The following ABCC11 variants were observed in gnomAD, a reference collection of about 807,000 sequenced individuals.
ABCC11 encodes ATP binding cassette subfamily C member 11, also known as ATP-binding cassette sub-family C member 11.
In ABCC11, 135 loss-of-function variants were observed where a neutral mutation model predicts 149.3. The observed-to-expected ratio is 0.90, with a 90% CI of 0.79 to 1.04. The LOEUF (loss-of-function observed/expected upper bound fraction) is 1.04, where lower values mean the gene tolerates loss of function less well. ABCC11 is among the 50% of genes least tolerant of loss of function. The pLI is 0.00. For missense variants in ABCC11, 1,680 were observed against 1,722.1 expected, an observed-to-expected ratio of 0.98 and a Z score of 0.43; for synonymous variants, 665 against 671.4, an observed-to-expected ratio of 0.99 and a Z score of 0.15.
chr16:48,178,842 T>C (rs187130480), intron 23 of ABCC11, among the ~76,000 whole-genome samples, 156 bp from the exon 24 acceptor site: 93 of 152,204 alleles, frequency 6.1e-4, no homozygotes, highest in African/African-American at 2.1e-3. Context: ...CCCTGGTGCC[T>C]CCTCAGCCCA....
intron 26 of ABCC11, among the ~76,000 whole-genome samples, chr16:48,173,203 G>C (rs1402082129): frequency 1.3e-5 from 2 of 152,158 alleles, no homozygotes; most frequent in Non-Finnish European, 2.9e-5. Flanking sequence ...GACATTCAGA[G>C]AGATGCTTAA....
chr16:48,208,913 C>G (rs1968674183), intron 11 of ABCC11, among the ~76,000 whole-genome samples: 1 of 152,160 alleles, frequency 6.6e-6, no homozygotes, highest in Non-Finnish European at 1.5e-5. Context: ...CATTCATTCA[C>G]CCATCAAATA....
chr16:48,230,691 A>C, intron 2 of ABCC11, 118 bp from the exon 3 acceptor site: 2 of 1,182,894 alleles, frequency 1.7e-6, no homozygotes, highest in Non-Finnish European at 2.3e-6. Flanking sequence ...TTCCTAAAGA[A>C]AGGCTTCCAT....
rs571992001 is a variant in ABCC11 at position 48,244,737 on chromosome 16, C to T, written c.-19+2577G>A. On this transcript the variant is annotated intron_variant, in intron 1 of 29. Coordinates refer to ENST00000356608, the MANE Select transcript of ABCC11 (RefSeq NM_001370497.1). ...TCAGTTCGGGGCGGCCTTCGCGGCT[C>T]GGTTCCGCCTCTCTGGTGCTATCAC... is the stretch of plus-strand genomic sequence containing the variant. The T allele has an allele frequency of 3.7e-4, 244 of 659,286 alleles. 3 individuals are homozygous for T. In the South Asian group the frequency reaches 8.4e-3, roughly 23 times the overall value. 40.8% of individuals were successfully genotyped at this position (659,286 alleles called of 1,614,324 possible).
At chr16:48,190,796 T>C (rs1966875703) in intron 20 of ABCC11, among the ~76,000 whole-genome samples, 1 of 152,238 alleles carries the variant, frequency 6.6e-6, no homozygotes, top group South Asian at 2.1e-4. Context: ...ACTCTGTATA[T>C]GACCATGCTC....
At chr16:48,214,351 G>A (rs771697124) in intron 9 of ABCC11, among the ~76,000 whole-genome samples, 6 of 152,086 alleles carry the variant, frequency 3.9e-5, no homozygotes, top group Non-Finnish European at 8.8e-5. Flanking sequence ...CTTGGCTGCA[G>A]ACTCTCAAAT....
Position 48,243,372 on chromosome 16 carries a change from A to G in ABCC11, c.-19+3942T>C, listed in dbSNP as rs569382111. ...AGCCGAGATCTCGCCACTACACTCC[A>G]GCCTGGGTGACAGAGCGAGACTCCG... On this transcript the variant is annotated intron_variant, in intron 1 of 29. Coordinates refer to ENST00000356608, the MANE Select transcript of ABCC11 (RefSeq NM_001370497.1). Among the ~76,000 whole-genome samples the G allele has an allele frequency of 5.8e-4, 86 of 148,374 alleles. No individual in the cohort carries two copies. The South Asian group carries it at 7.7e-3, about 13-fold the overall frequency.
intron 24 of ABCC11, among the ~76,000 whole-genome samples, chr16:48,177,646 C>T (rs1017306557): frequency 3.3e-5 from 5 of 152,222 alleles, no homozygotes; most frequent in African/African-American, 9.6e-5. Flanking sequence ...TGCCTAACGC[C>T]GAGCCCACTC....
chr16:48,237,036 C>T (rs1044907476), intron 1 of ABCC11, among the ~76,000 whole-genome samples: 2 of 152,138 alleles, frequency 1.3e-5, no homozygotes, highest in African/African-American at 4.8e-5. Context: ...ATTGCAACCT[C>T]CGGCATAAGT....
At chr16:48,201,360 G>A (rs1426835149) in intron 14 of ABCC11, among the ~76,000 whole-genome samples, 5 of 152,000 alleles carry the variant, frequency 3.3e-5, no homozygotes, top group Non-Finnish European at 5.9e-5. Flanking sequence ...GGCTTACTGC[G>A]ACCTCCGCCT....
chr16:48,173,345 G>C (rs1965836883), intron 26 of ABCC11, among the ~76,000 whole-genome samples: 1 of 152,152 alleles, frequency 6.6e-6, no homozygotes, highest in Non-Finnish European at 1.5e-5. Flanking sequence ...ATTTCTTTGT[G>C]TGTCTTTAAA....
chr16:48,223,850 A>G (rs1376550117), intron 5 of ABCC11: 1 of 153,434 alleles, frequency 6.5e-6, no homozygotes, highest in Non-Finnish European at 1.5e-5. Context: ...GCCATTTCTC[A>G]GAGGAGCTAA....
intron 15 of ABCC11, among the ~76,000 whole-genome samples, chr16:48,198,671 G>T (rs896360330): frequency 4.9e-5 from 7 of 143,782 alleles, no homozygotes; most frequent in African/African-American, 1.8e-4. Context: ...TGAAAAATAA[G>T]AAACAACTGT....
chr16:48,189,545 G>GTT (rs1414361527), intron 20 of ABCC11, among the ~76,000 whole-genome samples: 4 of 152,134 alleles, frequency 2.6e-5, no homozygotes, highest in Non-Finnish European at 5.9e-5. Flanking sequence ...TGAAAGGACT[G>GTT]GAAAAAGGAA....
intron 25 of ABCC11, 130 bp downstream of exon 25, chr16:48,176,794 G>A: frequency 9.0e-7 from 1 of 1,113,420 alleles, no homozygotes. Context: ...GTCTAGCACA[G>A]GGCCCAGCAC....
chr16:48,233,145 G>A (rs964164548), intron 1 of ABCC11, among the ~76,000 whole-genome samples: 25 of 152,164 alleles, frequency 1.6e-4, no homozygotes, highest in African/African-American at 5.8e-4. Context: ...AAGTTGCAAT[G>A]AACTGAGATT....
rs369239146 is a variant in ABCC11, at chr16:48,227,921, A to G, written c.280T>C (p.Tyr94His). 3.9e-5 allele frequency: 63 copies of G among 1,613,996 alleles called. No homozygotes were observed. Among genetic ancestry groups the G allele is most frequent in the Non-Finnish European group, 5.1e-5 (60 of 1,180,006 alleles). The change falls in exon 4 of 30, where the codon TAC (tyrosine) becomes CAC (histidine). Residue 94 changes from tyrosine (Y) to histidine (H), a missense_variant. By Grantham distance (83) the Tyr-to-His change is moderately conservative. Coordinates refer to ENST00000356608, the MANE Select transcript of ABCC11 (RefSeq NM_001370497.1). ...GGGGTGAGCCATGACACGGTGAGGT[A>G]GGAGAACAGGCCAGCATTGTCCAGG... ...QPLDNAGLFSYLTVSWLTPLM... is the reference protein window; with the variant it reads ...QPLDNAGLFSHLTVSWLTPLM...
intron 2 of ABCC11, 105 bp from the exon 3 acceptor site, chr16:48,230,678 T>C: frequency 7.9e-7 from 1 of 1,266,008 alleles, no homozygotes; most frequent in South Asian, 1.8e-5. Context: ...TTCCATATCC[T>C]GCTTCCTAAA....
chr16:48,216,284 T>C lies in ABCC11; in HGVS notation c.781A>G (p.Ile261Val), dbSNP rs1367063838. 6.2e-7 allele frequency: 1 copy of C among 1,612,630 alleles called. No individual in the cohort carries two copies. Among genetic ancestry groups the C allele is most frequent in the Non-Finnish European group, 8.5e-7 (1 of 1,179,684 alleles). The change falls in exon 7 of 30, where the codon ATC (isoleucine) becomes GTC (valine). Residue 261 changes from isoleucine to valine, a missense_variant. Physicochemically the swap from Ile to Val is conservative, Grantham distance 29. Coordinates refer to ENST00000356608, the MANE Select transcript of ABCC11 (RefSeq NM_001370497.1). The stretch of plus-strand genomic sequence containing the variant: ...TTTACATCACCGGTGAAGAAGCTGA[T>C]GGCCTGCAAGACAGCAAGTTGATGG... ...SVIHITSGEAISFFTGDVNYL... is the reference protein window; with the variant it reads ...SVIHITSGEAVSFFTGDVNYL...
Sources: gnomAD v4.1 joint callset for allele counts (sites outside exome capture counted in the v4.1 genomes callset) on GRCh38, gnomAD v4.1.1 for gene constraint, MANE v1.5 for transcripts, NCBI Gene and HGNC (gene_info 2026-07-23, HGNC 2026-07-21) for gene names.